OR2L13: variants seen among roughly 807,000 people sequenced by gnomAD.
OR2L13 encodes olfactory receptor family 2 subfamily L member 13.
Under a neutral mutation model 15.3 loss-of-function variants are expected in OR2L13, and 14 were observed. The observed-to-expected ratio is 0.91, with a 90% CI of 0.60 to 1.43. The LOEUF is 1.43. Among genes scored for constraint, OR2L13 ranks in the 40% most tolerant of loss-of-function variants. The probability of loss-of-function intolerance (pLI) is 0.00; values close to 1 mark genes in which losing one functional copy is unlikely to be tolerated. For synonymous variants in OR2L13, 152 were observed against 142.9 expected, an observed-to-expected ratio of 1.06 and a Z score of -0.45; for missense variants, 367 against 387.9, an observed-to-expected ratio of 0.95 and a Z score of 0.45.
chr1:248,067,919 G>A, the OR2L13 span, among the ~76,000 whole-genome samples: 1 of 152,228 alleles, frequency 6.6e-6, no homozygotes, highest in Non-Finnish European at 1.5e-5. Context: ...AGATCAAACT[G>A]CAAGGTGGCA....
chr1:247,974,503 A>G, the OR2L13 span, among the ~76,000 whole-genome samples: 8 of 152,160 alleles, frequency 5.3e-5, no homozygotes, highest in East Asian at 1.9e-4. Context: ...GTGTATTTTT[A>G]TAATTGTTCT....
the OR2L13 span, among the ~76,000 whole-genome samples, chr1:247,973,937 T>C: frequency 0.84 from 127,912 of 152,168 alleles, 55,492 homozygotes; most frequent in South Asian, 0.97. Context: ...GGTATATACC[T>C]AAAGGATTAT....
the OR2L13 span, among the ~76,000 whole-genome samples, chr1:248,071,225 C>T: frequency 6.6e-6 from 1 of 152,128 alleles, no homozygotes; most frequent in African/African-American, 2.4e-5. Flanking sequence ...CAAAAATCCT[C>T]AATAAAATAC....
chr1:248,028,140 C>CAAAAAAAAAAAA, the OR2L13 span, among the ~76,000 whole-genome samples: 6 of 37,784 alleles, frequency 1.6e-4, no homozygotes, highest in African/African-American at 1.9e-4. Flanking sequence ...GATTCCGTCT[C>CAAAAAAAAAAAA]AAAAAAAAAA....
the OR2L13 span, among the ~76,000 whole-genome samples, chr1:247,970,896 T>C: frequency 6.6e-6 from 1 of 152,204 alleles, no homozygotes; most frequent in Admixed American, 6.5e-5. Context: ...ACAGGTCAGC[T>C]GGCCCTTTCT....
At chr1:247,954,256 A>G in the OR2L13 span, among the ~76,000 whole-genome samples, 2 of 152,174 alleles carry the variant, frequency 1.3e-5, no homozygotes, top group Non-Finnish European at 2.9e-5. Context: ...TGCCTTTTAA[A>G]TCTGGAAAAA....
At chr1:248,031,204 T>C in the OR2L13 span, among the ~76,000 whole-genome samples, 1 of 152,172 alleles carries the variant, frequency 6.6e-6, no homozygotes, top group South Asian at 2.1e-4. Context: ...AGATATATAA[T>C]GGCTGAGACT....
the OR2L13 span, chr1:247,974,924 A>C: frequency 3.7e-6 from 1 of 266,844 alleles, no homozygotes; most frequent in Non-Finnish European, 8.0e-6. Context: ...TTTATTTCTT[A>C]CTTAGTCGGC....
the OR2L13 span, among the ~76,000 whole-genome samples, chr1:247,982,056 CCA>C: frequency 3.3e-5 from 5 of 152,300 alleles, no homozygotes; most frequent in African/African-American, 1.2e-4. Context: ...ACCTCGTGAT[CCA>C]TCCGCCTCGG....
chr1:248,032,494 T>C, the OR2L13 span, among the ~76,000 whole-genome samples: 1 of 152,162 alleles, frequency 6.6e-6, no homozygotes, highest in Non-Finnish European at 1.5e-5. Context: ...TTTTGTTCTC[T>C]ACACAATTAT....
At chr1:248,089,874 A>G in the OR2L13 span, among the ~76,000 whole-genome samples, 51 of 152,314 alleles carry the variant, frequency 3.3e-4, no homozygotes, top group African/African-American at 1.2e-3. Context: ...AATTTTTTAG[A>G]CAAAGCTTTA....
the OR2L13 span, chr1:247,975,669 T>C: frequency 3.8e-6 from 4 of 1,052,016 alleles, no homozygotes; most frequent in Non-Finnish European, 5.8e-6. Context: ...AGACAAACTT[T>C]CTGCCTTAGA....
chr1:248,075,482 G>A, the OR2L13 span, among the ~76,000 whole-genome samples: 1 of 152,090 alleles, frequency 6.6e-6, no homozygotes, highest in Non-Finnish European at 1.5e-5. Context: ...ATGTAAAAGC[G>A]TTCCTATTTC....
rs141876053 is a variant in OR2L13, at chr1:248,100,154, G to A, written c.779G>A (p.Arg260Gln). Reference sequence around the variant, plus strand: ...GCACCTTTTGTCTACACCTATCTTCGGCCCAGGAATCTCCGCTCACCAGCT... The same window carrying A: ...GCACCTTTTGTCTACACCTATCTTCAGCCCAGGAATCTCCGCTCACCAGCT... Residue 260 changes from arginine to glutamine, a missense_variant, in exon 3 of 3, where the codon CGG (arginine) becomes CAG (glutamine). Coordinates refer to ENST00000641714, the Ensembl canonical transcript of OR2L13. 346 of 1,613,854 alleles carry A rather than the reference G, an allele frequency of 2.1e-4. No homozygotes were observed. Among genetic ancestry groups the A allele is most frequent in the South Asian group, 9.2e-4 (84 of 91,064 alleles).
the OR2L13 span, chr1:248,003,170 C>A: frequency 7.0e-7 from 1 of 1,429,802 alleles, no homozygotes; most frequent in Non-Finnish European, 9.9e-7. Flanking sequence ...TTTCATCTTA[C>A]TGGGGCTGTT....
the OR2L13 span, among the ~76,000 whole-genome samples, chr1:247,966,699 G>T: frequency 6.6e-6 from 1 of 152,182 alleles, no homozygotes; most frequent in Non-Finnish European, 1.5e-5. Flanking sequence ...CACTGGTCAT[G>T]TGAGAGTAAA....
chr1:247,985,607 T>A, the OR2L13 span, among the ~76,000 whole-genome samples: 2 of 152,170 alleles, frequency 1.3e-5, no homozygotes, highest in Admixed American at 6.5e-5. Flanking sequence ...TGATTTATAA[T>A]CCTTTGGTTA....
At chr1:248,065,291 T>C in the OR2L13 span, among the ~76,000 whole-genome samples, 1 of 152,228 alleles carries the variant, frequency 6.6e-6, no homozygotes, top group Admixed American at 6.5e-5. Flanking sequence ...GCATGTGGTA[T>C]CTATTAGCAT....
At chr1:248,086,583 A>G in the OR2L13 span, among the ~76,000 whole-genome samples, 2 of 152,044 alleles carry the variant, frequency 1.3e-5, no homozygotes, top group Admixed American at 6.6e-5. Context: ...TTTACTAATT[A>G]TCATTTTTGA....
Sources: allele counts gnomAD v4.1 joint callset (sites outside exome capture counted in the v4.1 genomes callset), GRCh38; gene constraint gnomAD v4.1.1; transcripts MANE v1.5; gene names NCBI Gene and HGNC (gene_info 2026-07-23, HGNC 2026-07-21).